FBRSL1: variants seen among roughly 807,000 people sequenced by gnomAD.
The protein encoded by FBRSL1 is fibrosin like 1.
FBRSL1 carries 51 observed loss-of-function variants against 89.6 expected under a neutral mutation model. The ratio of observed to expected loss-of-function variants is 0.57; its 90% CI spans 0.45 to 0.72. FBRSL1 has a LOEUF of 0.72. Among genes scored for constraint, FBRSL1 ranks in the 30% least tolerant of loss-of-function variants. The probability of loss-of-function intolerance (pLI) is 0.00; values close to 1 mark genes in which losing one functional copy is unlikely to be tolerated. For synonymous variants in FBRSL1, 779 were observed against 681.1 expected, an observed-to-expected ratio of 1.14 and a Z score of -2.24; for missense variants, 1,618 against 1,451.8, an observed-to-expected ratio of 1.11 and a Z score of -1.86.
chr12:132,512,604 T>C (rs957606289), intron 2 of FBRSL1, among the ~76,000 whole-genome samples: 5 of 152,246 alleles, frequency 3.3e-5, no homozygotes, highest in African/African-American at 1.2e-4. Context: ...TCCTGCCCTC[T>C]TTCCACTTTC....
At chr12:132,527,855 G>T in intron 3 of FBRSL1, 98 bp from the exon 4 acceptor site, 2 of 1,172,948 alleles carry the variant, frequency 1.7e-6, no homozygotes, top group Non-Finnish European at 2.5e-6. Context: ...TGCGGGGCAG[G>T]GCTAAGGGCT....
rs71274843 is a variant in FBRSL1, at chr12:132,515,530, C to CAA, written c.489+7194_489+7195dup. Among the ~76,000 whole-genome samples, 697 of 128,350 alleles carry CAA rather than the reference C, an allele frequency of 5.4e-3. 5 individuals are homozygous for CAA. The highest frequency in any genetic ancestry group is 0.013 in the Middle Eastern group (3 of 240). The allele number at this position is 128,350 out of a possible 152,430, so 84.2% of individuals were successfully genotyped here. Reference sequence around the variant, plus strand: ...ATCTTAAGGTTTTACCTTAAGAAACCAAAAAAAAAAAAAAATGGAAGGTTT... The same window carrying CAA: ...ATCTTAAGGTTTTACCTTAAGAAACCAAAAAAAAAAAAAAAAATGGAAGGTTT... On this transcript the variant is annotated intron_variant, in intron 2 of 18. Transcript: ENST00000680143.
chr12:132,514,345 A>C (rs2034640305), intron 2 of FBRSL1, among the ~76,000 whole-genome samples: 1 of 152,184 alleles, frequency 6.6e-6, no homozygotes, highest in Non-Finnish European at 1.5e-5. Context: ...GGATCTGAGC[A>C]GGGCTGCGGC....
intron 5 of FBRSL1, chr12:132,551,301 C>G (rs2038135992): frequency 2.3e-6 from 1 of 429,402 alleles, no homozygotes; most frequent in Non-Finnish European, 4.8e-6. Context: ...CTCACTCAGA[C>G]CTGGGAGGCC....
chr12:132,516,908 A>G (rs574181598), intron 2 of FBRSL1, among the ~76,000 whole-genome samples: 1 of 152,190 alleles, frequency 6.6e-6, no homozygotes, highest in Non-Finnish European at 1.5e-5. Flanking sequence ...GGTTGTTGAG[A>G]TGATAAAATG....
intron 4 of FBRSL1, among the ~76,000 whole-genome samples, chr12:132,543,296 C>T (rs1258332429): frequency 6.6e-6 from 1 of 152,244 alleles, no homozygotes; most frequent in Non-Finnish European, 1.5e-5. Context: ...AACGAAGAGA[C>T]CTTTGCCACG....
intron 15 of FBRSL1, among the ~76,000 whole-genome samples, chr12:132,579,292 C>T (rs954994461): frequency 3.3e-5 from 5 of 152,200 alleles, no homozygotes; most frequent in African/African-American, 7.2e-5. Context: ...AGGGGTACAT[C>T]GACCTAAGAG....
Position 132,581,763 on chromosome 12 carries a change from C to T in FBRSL1, c.1935C>T (p.Thr645=). The change falls in exon 17 of 19, where the codon ACC becomes ACT. Residue 645 remains threonine, a synonymous_variant. Coordinates refer to ENST00000680143, the MANE Select transcript of FBRSL1 (RefSeq NM_001367871.1). ...CAGACCCTTTCAGCAGACCGAGCAC[C>T]TTTGGGGGCCTGGGCAGCCTGAGCA... The part of the protein sequence containing the change: ...PLTDPFSRPS[T]FGGLGSLSSH... The T allele has an allele frequency of 1.3e-6, 2 of 1,549,950 alleles. No homozygotes were observed. Among genetic ancestry groups the T allele is most frequent in the Non-Finnish European group, 1.7e-6 (2 of 1,146,740 alleles).
intron 6 of FBRSL1, among the ~76,000 whole-genome samples, chr12:132,568,893 G>T (rs2039817170): frequency 6.6e-6 from 1 of 152,162 alleles, no homozygotes; most frequent in African/African-American, 2.4e-5. Flanking sequence ...TTTTCACCTG[G>T]GAGGAACTCC....
intron 8 of FBRSL1, 24 bp downstream of exon 8, chr12:132,570,564 G>T: frequency 1.4e-6 from 2 of 1,479,716 alleles, no homozygotes; most frequent in South Asian, 1.3e-5. Context: ...CCACAATCTC[G>T]CCCAGGGCAG....
intron 15 of FBRSL1, among the ~76,000 whole-genome samples, chr12:132,577,193 C>A (rs548149876): frequency 6.6e-6 from 1 of 152,072 alleles, no homozygotes; most frequent in Non-Finnish European, 1.5e-5. Context: ...GCTGCTGCTC[C>A]TCCCCACCAA....
chr12:132,583,147 C>T lies in FBRSL1; in HGVS notation c.2378C>T (p.Ala793Val), dbSNP rs11550079. The T allele has an allele frequency of 0.41, 593,869 of 1,460,996 alleles. 125,492 individuals carry two copies. The highest frequency in any genetic ancestry group is 0.71 in the East Asian group (22,999 of 32,462). The allele number at this position is 1,460,996 out of a possible 1,614,324, so 90.5% of individuals were successfully genotyped here. Residue 793 changes from alanine (A) to valine (V), a missense_variant, in exon 19 of 19, where the codon GCC (alanine) becomes GTC (valine). Ala to Val is a moderately conservative substitution (Grantham distance 64, BLOSUM62 0). Transcript: ENST00000680143. Reference sequence around the variant, plus strand: ...AGCCGCTCCCCGGCCAAGGAGGAGGCCGCCAAGATGCCCGCGCGCGCATCC... The same window carrying T: ...AGCCGCTCCCCGGCCAAGGAGGAGGTCGCCAAGATGCCCGCGCGCGCATCC... ...KESRSPAKEE[A>V]AKMPARASPP...
At chr12:132,508,493 G>A (rs1194148644) in intron 2 of FBRSL1, 143 bp downstream of exon 2, 2 of 1,028,754 alleles carry the variant, frequency 1.9e-6, no homozygotes, top group Non-Finnish European at 2.7e-6. Context: ...TTGGGGTGCA[G>A]GACACGTGGA....
At chr12:132,575,579 C>A (rs1041478301) in intron 14 of FBRSL1, among the ~76,000 whole-genome samples, 1 of 152,276 alleles carries the variant, frequency 6.6e-6, no homozygotes, top group East Asian at 1.9e-4. Context: ...TCTGGACACA[C>A]AGCAGAGGGA....
Position 132,490,413 on chromosome 12 carries a change from G to A in FBRSL1, c.-158G>A, listed in dbSNP as rs1179910873. ...CGGGGCTGAGCCGCCCCCCGCGCCCGGCATGCCCGGCCCGGCCCGCCGCCC... is the reference window on the plus strand; with the variant it reads ...CGGGGCTGAGCCGCCCCCCGCGCCCAGCATGCCCGGCCCGGCCCGCCGCCC... On this transcript the variant is annotated 5_prime_UTR_variant, in exon 1 of 19. Transcript: ENST00000680143. 1.7e-5 allele frequency: 6 copies of A among 345,220 alleles called. No homozygotes were observed. Among genetic ancestry groups the A allele is most frequent in the Admixed American group, 6.8e-5 (1 of 14,610 alleles). 21.4% of individuals were successfully genotyped at this position (345,220 alleles called of 1,614,324 possible).
At chr12:132,535,503 G>C (rs1306610276) in intron 4 of FBRSL1, among the ~76,000 whole-genome samples, 1 of 152,276 alleles carries the variant, frequency 6.6e-6, no homozygotes, top group Non-Finnish European at 1.5e-5. Flanking sequence ...GGTGTGAAGA[G>C]GTGAGCGGAG....
rs1566212589 is a variant in FBRSL1 at position 132,564,738 on chromosome 12, GC to G, written c.646-2740del. Among the ~76,000 whole-genome samples, 2 of 67,324 alleles carry G rather than the reference GC, an allele frequency of 3.0e-5. 1 individual carries two copies. Among genetic ancestry groups the G allele is most frequent in the East Asian group, 3.0e-3 (2 of 658 alleles). 44.2% of individuals were successfully genotyped at this position (67,324 alleles called of 152,430 possible). A position where few individuals can be genotyped will look rare whatever the true frequency, so the allele number is the denominator to read the frequency against. ...TCTCGATCTCCTGACCTCGTGATCC[GC>G]CCTCCTCGGCCTCCCGAGTAGCTGG... On this transcript the variant is annotated intron_variant, in intron 5 of 18. Coordinates refer to ENST00000680143, the MANE Select transcript of FBRSL1 (RefSeq NM_001367871.1).
intron 2 of FBRSL1, among the ~76,000 whole-genome samples, chr12:132,514,910 T>A (rs1390415417): frequency 6.6e-6 from 1 of 152,192 alleles, no homozygotes; most frequent in African/African-American, 2.4e-5. Context: ...ATATAAAAAT[T>A]GTCACATCTT....
intron 3 of FBRSL1, among the ~76,000 whole-genome samples, 166 bp downstream of exon 3, chr12:132,525,989 G>A (rs117574292): frequency 0.01 from 1,591 of 152,380 alleles, 10 homozygotes; most frequent in Non-Finnish European, 0.014. Context: ...CCTGCACAAG[G>A]GCGTCCAGGA....
Sources: gnomAD v4.1 joint callset for allele counts (sites outside exome capture counted in the v4.1 genomes callset) on GRCh38, gnomAD v4.1.1 for gene constraint, MANE v1.5 for transcripts, NCBI Gene and HGNC (gene_info 2026-07-23, HGNC 2026-07-21) for gene names.